Variants in LOXHD1 observed in about 807,000 individuals in gnomAD.
LOXHD1 encodes lipoxygenase homology PLAT domains 1.
LOXHD1 carries 205 observed loss-of-function variants against 248.2 expected under a neutral mutation model. The ratio of observed to expected loss-of-function variants is 0.83; its 90% CI spans 0.74 to 0.93. The LOEUF (loss-of-function observed/expected upper bound fraction) is 0.93. Ranked by LOEUF, LOXHD1 falls within the 40% of genes least tolerant of loss-of-function variation. LOXHD1 has a pLI of 0.00. For missense variants in LOXHD1, 2,930 were observed against 2,971.6 expected, an observed-to-expected ratio of 0.99 and a Z score of 0.33; for synonymous variants, 1,113 against 1,162.8, an observed-to-expected ratio of 0.96 and a Z score of 0.87.
intron 21 of LOXHD1, among the ~76,000 whole-genome samples, chr18:46,548,666 G>A (rs1239553216): frequency 6.6e-6 from 1 of 152,164 alleles, no homozygotes; most frequent in Non-Finnish European, 1.5e-5. Context: ...AATTAAGGAA[G>A]AGAGACAGAA....
intron 39 of LOXHD1, among the ~76,000 whole-genome samples, 198 bp from the exon 40 acceptor site, chr18:46,483,943 A>T (rs748382809): frequency 1.5e-4 from 23 of 152,048 alleles, no homozygotes; most frequent in Non-Finnish European, 3.1e-4. Context: ...AAAAAGCCCC[A>T]CTAGCTGCCT....
intron 21 of LOXHD1, among the ~76,000 whole-genome samples, chr18:46,551,986 A>C (rs547388813): frequency 6.6e-6 from 1 of 152,354 alleles, no homozygotes; most frequent in African/African-American, 2.4e-5. Context: ...CATTTCTATG[A>C]GGTCCCTAGA....
chr18:46,518,632 A>T (rs990296652), intron 33 of LOXHD1, among the ~76,000 whole-genome samples: 4 of 152,150 alleles, frequency 2.6e-5, no homozygotes, highest in African/African-American at 9.7e-5. Context: ...CAGACCTGCC[A>T]CCTGCTGGCT....
chr18:46,613,939 T>C (rs2038545512), intron 5 of LOXHD1, among the ~76,000 whole-genome samples: 1 of 152,212 alleles, frequency 6.6e-6, no homozygotes, highest in Admixed American at 6.5e-5. Context: ...TGCTAATATT[T>C]AAGATTTTTA....
chr18:46,607,800 G>T (rs920067317), intron 6 of LOXHD1, among the ~76,000 whole-genome samples: 3 of 152,078 alleles, frequency 2.0e-5, no homozygotes, highest in African/African-American at 7.2e-5. Context: ...TAAAGGGGAA[G>T]CTGCCGGTTT....
At chr18:46,643,678 C>CA (rs939119272) in intron 2 of LOXHD1, among the ~76,000 whole-genome samples, 25 of 148,930 alleles carry the variant, frequency 1.7e-4, no homozygotes, top group Non-Finnish European at 2.7e-4. Flanking sequence ...AAATGGGAAA[C>CA]AAAAAAAAAG....
At chr18:46,655,887 G>A (rs2039174878) in intron 1 of LOXHD1, among the ~76,000 whole-genome samples, 1 of 152,230 alleles carries the variant, frequency 6.6e-6, no homozygotes, top group Non-Finnish European at 1.5e-5. Flanking sequence ...GGAACTCATG[G>A]TGGACTGGAA....
At chr18:46,646,617 C>T (rs573485390) in intron 2 of LOXHD1, among the ~76,000 whole-genome samples, 3 of 152,286 alleles carry the variant, frequency 2.0e-5, no homozygotes, top group Admixed American at 1.3e-4. Context: ...TTCCCCCTCC[C>T]TGCCCATCAA....
intron 21 of LOXHD1, chr18:46,555,001 T>G (rs2037260611): frequency 2.0e-5 from 7 of 349,798 alleles, no homozygotes. Flanking sequence ...ATAGCTAATA[T>G]TTTTAAAGAA....
At chr18:46,587,492 A>G (rs2038083686) in intron 12 of LOXHD1, among the ~76,000 whole-genome samples, 1 of 152,152 alleles carries the variant, frequency 6.6e-6, no homozygotes, top group Non-Finnish European at 1.5e-5. Context: ...GGAAGTTCTC[A>G]AGGGTCTTGA....
At chr18:46,542,412 G>C (rs117484159) in intron 24 of LOXHD1, among the ~76,000 whole-genome samples, 1,660 of 152,312 alleles carry the variant, frequency 0.011, 13 homozygotes, top group Non-Finnish European at 0.018. Context: ...AGGTGATCCT[G>C]TTGCACACTC....
chr18:46,627,713 A>G (rs561157925), intron 4 of LOXHD1, among the ~76,000 whole-genome samples: 111 of 152,206 alleles, frequency 7.3e-4, no homozygotes, highest in African/African-American at 2.5e-3. Context: ...TGTGAGTGAC[A>G]CTGAGCCATC....
At chr18:46,507,361 C>T (rs2034636907) in intron 36 of LOXHD1, among the ~76,000 whole-genome samples, 177 bp downstream of exon 36, 1 of 152,192 alleles carries the variant, frequency 6.6e-6, no homozygotes, top group Non-Finnish European at 1.5e-5. Context: ...CCAGTCACTC[C>T]CTGGGAGGAG....
chr18:46,486,577 T>C (rs905556092), intron 38 of LOXHD1, among the ~76,000 whole-genome samples: 2 of 152,148 alleles, frequency 1.3e-5, no homozygotes, highest in Non-Finnish European at 2.9e-5. Flanking sequence ...GCAAGGGAAG[T>C]TGTACCATTG....
chr18:46,604,278 T>G (rs763970348), intron 6 of LOXHD1, 49 bp from the exon 7 acceptor site: 92 of 1,548,068 alleles, frequency 5.9e-5, no homozygotes, highest in Non-Finnish European at 7.7e-5. Flanking sequence ...TTGTTGAGGG[T>G]GCACCTGGAG....
At chr18:46,478,849 T>C (rs2032280379) in intron 40 of LOXHD1, among the ~76,000 whole-genome samples, 1 of 152,152 alleles carries the variant, frequency 6.6e-6, no homozygotes, top group African/African-American at 2.4e-5. Flanking sequence ...TGCACTATCA[T>C]GTCCAGCTAA....
chr18:46,587,096 G>A (rs1031645197), intron 12 of LOXHD1, among the ~76,000 whole-genome samples: 1 of 152,162 alleles, frequency 6.6e-6, no homozygotes, highest in Non-Finnish European at 1.5e-5. Context: ...TACCAATATT[G>A]TCTCCTCATA....
intron 19 of LOXHD1, 144 bp from the exon 20 acceptor site, chr18:46,559,746 A>G: frequency 1.0e-6 from 1 of 957,064 alleles, no homozygotes; most frequent in South Asian, 1.7e-5. Context: ...GAAACTGCCC[A>G]CACTCCCAAC....
At chr18:46,502,862 C>T (rs893982188) in intron 37 of LOXHD1, among the ~76,000 whole-genome samples, 1 of 152,182 alleles carries the variant, frequency 6.6e-6, no homozygotes, top group Non-Finnish European at 1.5e-5. Context: ...TAGGGAACCC[C>T]GTGCTTCTGG....
Sources: gnomAD v4.1 joint callset for allele counts (sites outside exome capture counted in the v4.1 genomes callset) on GRCh38, gnomAD v4.1.1 for gene constraint, MANE v1.5 for transcripts, NCBI Gene and HGNC (gene_info 2026-07-23, HGNC 2026-07-21) for gene names.